The following DENND4A variants were observed in gnomAD, a reference collection of about 807,000 sequenced individuals.
DENND4A encodes the protein C-myc promoter-binding protein.
DENND4A carries 70 observed loss-of-function variants against 199.3 expected under a neutral mutation model. The ratio of observed to expected loss-of-function variants is 0.35; its 90% confidence interval spans 0.29 to 0.43. The LOEUF (loss-of-function observed/expected upper bound fraction) is 0.43. Ranked by LOEUF, DENND4A falls within the 20% of genes least tolerant of loss-of-function variation. The pLI, the probability that DENND4A is intolerant of heterozygous loss-of-function variation, is 1.00. For missense variants in DENND4A, 1,723 were observed against 2,255.8 expected (o/e 0.76, Z 4.78); for synonymous variants, 686 against 766.9 (o/e 0.89, Z 1.74).
intron 30 of DENND4A, 35 bp downstream of exon 30, chr15:65,665,310 T>C (rs756579700): frequency 6.5e-7 from 1 of 1,544,014 alleles, no homozygotes; most frequent in Non-Finnish European, 8.9e-7. Flanking sequence ...ATTACTCTCA[T>C]ATGAACAAAG....
chr15:65,756,344 T>C lies in DENND4A; in HGVS notation c.107A>G (p.His36Arg), dbSNP rs746195959. 1.2e-6 allele frequency: 2 copies of C among 1,613,948 alleles called. No homozygotes were observed. Among genetic ancestry groups the C allele is most frequent in the Non-Finnish European group, 1.7e-6 (2 of 1,179,854 alleles). ...EEEIHFNDAC[H>R]KVAKPKEPIT... is the part of the protein sequence containing the mutation. ...AGGTTCTTTTGGTTTAGCTACTTTATGACAAGCATCATTGAAGTGAATTTC... is the reference window on the plus strand; with the variant it reads ...AGGTTCTTTTGGTTTAGCTACTTTACGACAAGCATCATTGAAGTGAATTTC... The change falls in exon 3 of 33, where the codon CAT (histidine) becomes CGT (arginine). Residue 36 changes from histidine to arginine, a missense_variant. Around this residue, in one of 6 missense-constraint regions of DENND4A, gnomAD observed 725 missense variants for 952.9 expected, o/e 0.76. Coordinates refer to ENST00000443035, the MANE Select transcript of DENND4A (RefSeq NM_001320835.1).
intron 2 of DENND4A, among the ~76,000 whole-genome samples, chr15:65,757,332 C>T (rs1157461167): frequency 6.6e-6 from 1 of 151,264 alleles, no homozygotes; most frequent in Non-Finnish European, 1.5e-5. Context: ...ATCCTCCCAT[C>T]TCAGTCTACC....
rs527726028 is a variant in DENND4A at position 65,673,450 on chromosome 15, G to A, written c.4370-1564C>T. 4.0e-5 allele frequency among the ~76,000 whole-genome samples: 6 copies of A among 151,522 alleles called. No homozygotes were observed. In the East Asian group the frequency reaches 7.8e-4, roughly 20 times the overall value. ...TCTGCCACTGCACTCCAGCCTGAGT[G>A]ATAGAGTGAGACTGTCTCAAAATAA... On this transcript the variant is annotated intron_variant, in intron 24 of 32. Transcript: ENST00000443035.
At chr15:65,681,526 T>C (rs781694439) in intron 23 of DENND4A, among the ~76,000 whole-genome samples, 1 of 152,140 alleles carries the variant, frequency 6.6e-6, no homozygotes, top group Non-Finnish European at 1.5e-5. Context: ...ATAAATCTCC[T>C]TGACATTTCT....
chr15:65,748,555 G>A (rs984190448), intron 4 of DENND4A, among the ~76,000 whole-genome samples: 5 of 150,952 alleles, frequency 3.3e-5, no homozygotes, highest in Non-Finnish European at 7.4e-5. Context: ...GGAGTTTGAG[G>A]CTACAAAGAG....
Position 65,740,113 on chromosome 15 carries a change from G to A in DENND4A, c.632-1238C>T, listed in dbSNP as rs556956740. On this transcript the variant is annotated intron_variant, in intron 5 of 32. Transcript: ENST00000443035. ...GGAGAATTGCTTGAACTCGGGAGGC[G>A]GAGGTTGCAGTGAGCCAAGATCGTG... Among the ~76,000 whole-genome samples the A allele has an allele frequency of 2.1e-4, 32 of 152,028 alleles. No homozygotes were observed. The East Asian group carries it at 4.1e-3, about 19-fold the overall frequency.
chr15:65,774,338 A>C (rs868135730), intron 1 of DENND4A, among the ~76,000 whole-genome samples: 146 of 151,920 alleles, frequency 9.6e-4, no homozygotes, highest in Non-Finnish European at 3.4e-4. Flanking sequence ...TAAAAATACA[A>C]AATTAGCCAG....
chr15:65,722,580 G>T (rs773101998), intron 12 of DENND4A, among the ~76,000 whole-genome samples: 1 of 151,698 alleles, frequency 6.6e-6, no homozygotes, highest in Non-Finnish European at 1.5e-5. Flanking sequence ...ATTTTAAGAT[G>T]GTTCTATAAA....
At chr15:65,702,069 C>T (rs2074889302) in intron 17 of DENND4A, among the ~76,000 whole-genome samples, 179 bp from the exon 18 acceptor site, 1 of 152,078 alleles carries the variant, frequency 6.6e-6, no homozygotes, top group Non-Finnish European at 1.5e-5. Context: ...TTCTGACTAA[C>T]CTAGACCACA....
rs2074919340 is a variant in DENND4A at position 65,702,758 on chromosome 15, A to G, written c.2223+115T>C. On this transcript the variant is annotated intron_variant, in intron 16 of 32. Coordinates refer to ENST00000443035, the MANE Select transcript of DENND4A (RefSeq NM_001320835.1). Reference sequence around the variant, plus strand: ...CTCCATCTTCACAGTGCTTTGGTGAACATAATAATCTAGTAATAGTTATAT... The same window carrying G: ...CTCCATCTTCACAGTGCTTTGGTGAGCATAATAATCTAGTAATAGTTATAT... The G allele has an allele frequency of 2.8e-6, 3 of 1,087,098 alleles. No individual in the cohort carries two copies. In the Admixed American group the frequency reaches 7.1e-5, roughly 26 times the overall value. The allele number at this position is 1,087,098 out of a possible 1,614,324, so 67.3% of individuals were successfully genotyped here.
chr15:65,763,577 G>C (rs1301064184), intron 1 of DENND4A, among the ~76,000 whole-genome samples: 2 of 151,114 alleles, frequency 1.3e-5, no homozygotes, highest in Non-Finnish European at 2.9e-5. Flanking sequence ...TGGTGGGGCT[G>C]AGATGGGAGG....
At chr15:65,707,071 TAAC>T (rs1472314138) in intron 14 of DENND4A, among the ~76,000 whole-genome samples, 1 of 152,138 alleles carries the variant, frequency 6.6e-6, no homozygotes, top group Non-Finnish European at 1.5e-5. Flanking sequence ...ATACTAAATA[TAAC>T]AAATTTCCCT....
At chr15:65,753,389 CACTCT>C (rs2140636776) in intron 3 of DENND4A, among the ~76,000 whole-genome samples, 1 of 152,228 alleles carries the variant, frequency 6.6e-6, no homozygotes, top group South Asian at 2.1e-4. Context: ...CTCGGAGTCT[CACTCT>C]GTCACCCAGG....
chr15:65,788,649 C>T (rs965723253), intron 1 of DENND4A, among the ~76,000 whole-genome samples: 6 of 151,760 alleles, frequency 4.0e-5, no homozygotes, highest in Admixed American at 6.6e-5. Flanking sequence ...CTTGGGCTCA[C>T]GAGTTCAAGA....
chr15:65,671,902 A>C lies in DENND4A; in HGVS notation c.4370-16T>G. 6.9e-7 allele frequency: 1 copy of C among 1,456,582 alleles called. No homozygotes were observed. The highest frequency in any genetic ancestry group is 9.6e-7 in the Non-Finnish European group (1 of 1,036,552). 90.2% of individuals were successfully genotyped at this position (1,456,582 alleles called of 1,614,324 possible). ...GACAGAGATCCTGTTCATTAGTGAA[A>C]AACAAAGAACAGAAACCATTAAAAT... On this transcript the variant is annotated splice_polypyrimidine_tract_variant and intron_variant, in intron 24 of 32. Coordinates refer to ENST00000443035, the MANE Select transcript of DENND4A (RefSeq NM_001320835.1).
intron 4 of DENND4A, among the ~76,000 whole-genome samples, chr15:65,752,067 T>A (rs549358771): frequency 8.0e-6 from 1 of 125,502 alleles, no homozygotes; most frequent in South Asian, 2.8e-4. Context: ...TGGGATCTAG[T>A]CCCGTTGAGG....
In DENND4A at chr15:65,670,107, C is replaced by A; in HGVS notation, c.4546G>T (p.Asp1516Tyr). The change falls in exon 26 of 33, where the codon GAT becomes TAT. Residue 1516 changes from aspartate to tyrosine, a missense_variant. Coordinates refer to ENST00000443035, the MANE Select transcript of DENND4A (RefSeq NM_001320835.1). ...CATGTAGTATTGAGATTTGAATCATCTGCTGTCCAGCCAGCCATGATTTCC... is the reference window on the plus strand; with the variant it reads ...CATGTAGTATTGAGATTTGAATCATATGCTGTCCAGCCAGCCATGATTTCC... Reference protein sequence around the residue: ...DEEIMAGWTADDSNLNTTCPF... With the variant: ...DEEIMAGWTAYDSNLNTTCPF... 6.2e-7 allele frequency: 1 copy of A among 1,604,278 alleles called. No individual in the cohort carries two copies. Among genetic ancestry groups the A allele is most frequent in the Non-Finnish European group, 8.5e-7 (1 of 1,174,960 alleles).
intron 23 of DENND4A, among the ~76,000 whole-genome samples, chr15:65,689,944 C>T (rs1483999588): frequency 6.6e-6 from 1 of 152,182 alleles, no homozygotes; most frequent in South Asian, 2.1e-4. Flanking sequence ...TTTCTAGTTA[C>T]TTCAGCAGTT....
rs61418354 is a variant in DENND4A at position 65,752,281 on chromosome 15, CAAAAAAAAAAAAAAAAA to C, written c.561+81_561+97del. 2.6e-4 allele frequency: 71 copies of C among 272,678 alleles called. 7 individuals are homozygous for C. Among genetic ancestry groups the C allele is most frequent in the South Asian group, 4.6e-4 (5 of 10,870 alleles). The allele number at this position is 272,678 out of a possible 1,614,324, so 16.9% of individuals were successfully genotyped here. On this transcript the variant is annotated intron_variant, in intron 4 of 32. Coordinates refer to ENST00000443035, the MANE Select transcript of DENND4A (RefSeq NM_001320835.1). ...TCTGTAATTAAACTATGCTGTTTTCCAAAAAAAAAAAAAAAAAAAAAAAAAAAAAAAAGATGTATTTA... is the reference window on the plus strand; with the variant it reads ...TCTGTAATTAAACTATGCTGTTTTCCAAAAAAAAAAAAAAAGATGTATTTA...
Sources: allele counts gnomAD v4.1 joint callset (sites outside exome capture counted in the v4.1 genomes callset), GRCh38; gene constraint gnomAD v4.1.1; regional missense constraint gnomAD v4.1.1; transcripts MANE v1.5; gene names NCBI Gene and HGNC (gene_info 2026-07-23, HGNC 2026-07-21).